TMA7: variants seen among roughly 807,000 people sequenced by gnomAD.
TMA7 encodes the protein translation machinery-associated protein 7.
TMA7 carries 5 observed loss-of-function variants against 12.5 expected under a neutral mutation model. That is an observed-to-expected ratio of 0.40 (90% confidence interval 0.21 to 0.84). TMA7 has a LOEUF of 0.84. Among genes scored for constraint, TMA7 ranks in the 40% least tolerant of loss-of-function variants. TMA7 has a pLI of 0.36. For missense variants in TMA7, 71 were observed against 75.4 expected (o/e 0.94, Z 0.22); for synonymous variants, 36 against 28.1 (o/e 1.28, Z -0.89).
chr3:48,440,323 C>T lies in TMA7; in HGVS notation c.16+11C>T, dbSNP rs912016135. On this transcript the variant is annotated intron_variant, in intron 1 of 3. Transcript: ENST00000438607. ...TGTCCGGCCGCGAAGGTAAGTGTTCCGGAACCGTGAGGACTGCGGGGACGG... is the reference window on the plus strand; with the variant it reads ...TGTCCGGCCGCGAAGGTAAGTGTTCTGGAACCGTGAGGACTGCGGGGACGG... 2.5e-6 allele frequency: 4 copies of T among 1,611,312 alleles called. No homozygotes were observed. The highest frequency in any genetic ancestry group is 1.7e-4 in the Middle Eastern group (1 of 6,058).
chr3:48,442,930 C>A (rs145596187), intron 3 of TMA7, among the ~76,000 whole-genome samples: 7 of 152,056 alleles, frequency 4.6e-5, no homozygotes, highest in South Asian at 2.1e-4. Context: ...CATACTTGAA[C>A]AACACCTAAC....
chr3:48,440,875 A>G, intron 3 of TMA7: 1 of 577,258 alleles, frequency 1.7e-6, no homozygotes, highest in Non-Finnish European at 3.1e-6. Flanking sequence ...GCAGAAACGG[A>G]AACAGTGAAA....
intron 3 of TMA7, among the ~76,000 whole-genome samples, chr3:48,443,354 C>G (rs576285980): frequency 6.6e-6 from 1 of 151,870 alleles, no homozygotes; most frequent in East Asian, 1.9e-4. Flanking sequence ...TCGAGACCAG[C>G]CTGACCAATA....
intron 3 of TMA7, 53 bp downstream of exon 3, chr3:48,440,681 TG>T (rs2039538788): frequency 6.6e-7 from 1 of 1,525,566 alleles, no homozygotes; most frequent in South Asian, 1.2e-5. Context: ...GAGCACCTAT[TG>T]GGATGAGGGC....
intron 3 of TMA7, among the ~76,000 whole-genome samples, chr3:48,442,653 T>C (rs946090560): frequency 6.6e-6 from 1 of 151,890 alleles, no homozygotes; most frequent in Non-Finnish European, 1.5e-5. Context: ...GGTTTCACCA[T>C]GTTGGCCAGG....
Position 48,443,955 on chromosome 3 carries a change from A to G in TMA7, c.*73A>G. On this transcript the variant is annotated 3_prime_UTR_variant, in exon 4 of 4. Transcript: ENST00000438607. ...TTTAAACCTCTCTATTCCCTGCCAT[A>G]ACATCTTTTGCCACGTATAGCTGGA... is the stretch of plus-strand genomic sequence containing the variant. 8.8e-7 allele frequency: 1 copy of G among 1,135,070 alleles called. No individual in the cohort carries two copies. The highest frequency in any genetic ancestry group is 2.4e-5 in the South Asian group (1 of 42,476). The allele number at this position is 1,135,070 out of a possible 1,614,324, so 70.3% of individuals were successfully genotyped here.
Position 48,440,538 on chromosome 3 carries a change from C to T in TMA7, c.73-3C>T. The T allele has an allele frequency of 6.2e-7, 1 of 1,610,860 alleles. No individual in the cohort carries two copies. Among genetic ancestry groups the T allele is most frequent in the Non-Finnish European group, 8.5e-7 (1 of 1,179,352 alleles). On this transcript the variant is annotated splice_region_variant and splice_polypyrimidine_tract_variant and intron_variant, in intron 2 of 3. Transcript: ENST00000438607. ...GAGTTGAACACGCTCTGCCTCTCCC[C>T]AGGAAGATAAGGCTTTCAAGCAGAA...
rs1297910804 is a variant in TMA7, at chr3:48,443,890, C to T, written c.*8C>T. ...AAATCTGGCAAAAAGTAAGCTGTTC[C>T]TTGTGCCTGAGGAGATGGTGACCCT... On this transcript the variant is annotated 3_prime_UTR_variant, in exon 4 of 4. Transcript: ENST00000438607. 3 of 1,546,848 alleles carry T rather than the reference C, an allele frequency of 1.9e-6. No homozygotes were observed. The highest frequency in any genetic ancestry group is 2.8e-5 in the African/African-American group (2 of 71,032).
Position 48,444,005 on chromosome 3 carries a change from G to A in TMA7, c.*123G>A. On this transcript the variant is annotated 3_prime_UTR_variant, in exon 4 of 4. Transcript: ENST00000438607. Reference sequence around the variant, plus strand: ...AATTAAGTGTTGTCTTGGAGCTGTTGTACATTTAAGAATAAACTTTTGTAA... The same window carrying A: ...AATTAAGTGTTGTCTTGGAGCTGTTATACATTTAAGAATAAACTTTTGTAA... The A allele has an allele frequency of 5.8e-6, 4 of 693,658 alleles. No homozygotes were observed. The highest frequency in any genetic ancestry group is 8.4e-6 in the Non-Finnish European group (4 of 474,732). The allele number at this position is 693,658 out of a possible 1,614,324, so 43.0% of individuals were successfully genotyped here. A position where few individuals can be genotyped will look rare whatever the true frequency, so the allele number is the denominator to read the frequency against.
At chr3:48,442,968 G>A (rs2039602062) in intron 3 of TMA7, among the ~76,000 whole-genome samples, 1 of 151,972 alleles carries the variant, frequency 6.6e-6, no homozygotes, top group Admixed American at 6.6e-5. Context: ...GGCTGGGCAT[G>A]GTGGCTCAAG....
intron 3 of TMA7, 100 bp from the exon 4 acceptor site, chr3:48,443,748 A>G: frequency 1.1e-6 from 1 of 898,028 alleles, no homozygotes; most frequent in Non-Finnish European, 1.6e-6. Context: ...GTGAATGCCC[A>G]ATACAAAAGC....
In TMA7 at chr3:48,440,550, G is replaced by T. The variant is rs751946046; in HGVS notation, c.82G>T (p.Ala28Ser). ...QAKEMDEEDK[A>S]FKQKQKEEQK... The stretch of plus-strand genomic sequence containing the variant: ...CTCTGCCTCTCCCCAGGAAGATAAG[G>T]CTTTCAAGCAGAAACAAAAAGAGGA... Residue 28 changes from alanine (A) to serine (S), a missense_variant, in exon 3 of 4, where the codon GCT becomes TCT. By Grantham distance (99) the Ala-to-Ser change is moderately conservative. Coordinates refer to ENST00000438607, the MANE Select transcript of TMA7 (RefSeq NM_015933.6). The T allele has an allele frequency of 6.2e-7, 1 of 1,611,728 alleles. No homozygotes were observed. Among genetic ancestry groups the T allele is most frequent in the Non-Finnish European group, 8.5e-7 (1 of 1,179,660 alleles).
rs745885023 is a variant in TMA7 at position 48,440,303 on chromosome 3, G to C, written c.7G>C (p.Gly3Arg). ...GGAAGCGGCGGCAGGCGCCATGTCC[G>C]GCCGCGAAGGTAAGTGTTCCGGAAC... MS[G>R]REGGKKKPLK... Residue 3 changes from glycine (G) to arginine (R), a missense_variant, in exon 1 of 4, where the codon GGC becomes CGC. Transcript: ENST00000438607. 10 of 1,607,148 alleles carry C rather than the reference G, an allele frequency of 6.2e-6. No homozygotes were observed. The highest frequency in any genetic ancestry group is 8.5e-6 in the Non-Finnish European group (10 of 1,176,776).
intron 3 of TMA7, 62 bp from the exon 4 acceptor site, chr3:48,443,786 C>A: frequency 7.1e-7 from 1 of 1,414,650 alleles, no homozygotes; most frequent in Non-Finnish European, 9.4e-7. Flanking sequence ...CACAGCAGGC[C>A]CGTGGGGCTT....
chr3:48,443,550 A>G (rs1175135113), intron 3 of TMA7, among the ~76,000 whole-genome samples: 1 of 151,446 alleles, frequency 6.6e-6, no homozygotes, highest in Non-Finnish European at 1.5e-5. Flanking sequence ...AAAAAAAAAA[A>G]GGACTTCTTT....
intron 3 of TMA7, among the ~76,000 whole-genome samples, chr3:48,442,428 G>C (rs989052648): frequency 7.0e-6 from 1 of 142,582 alleles, no homozygotes; most frequent in East Asian, 2.0e-4. Context: ...CTTCTTTCCT[G>C]TATTAGGCAT....
At position 48,440,525 on chromosome 3, in the gene TMA7, C is replaced by G. The variant is rs767582732; in HGVS notation, c.73-16C>G. The G allele has an allele frequency of 6.2e-7, 1 of 1,609,004 alleles. No individual in the cohort carries two copies. The highest frequency in any genetic ancestry group is 1.1e-5 in the South Asian group (1 of 90,576). ...GGGAGACAGGCCTGAGTTGAACACG[C>G]TCTGCCTCTCCCCAGGAAGATAAGG... is the stretch of plus-strand genomic sequence containing the variant. On this transcript the variant is annotated splice_polypyrimidine_tract_variant and intron_variant, in intron 2 of 3. Coordinates refer to ENST00000438607, the MANE Select transcript of TMA7 (RefSeq NM_015933.6).
chr3:48,440,259 T>C lies in TMA7; in HGVS notation c.-38T>C. The C allele has an allele frequency of 6.3e-7, 1 of 1,579,724 alleles. No individual in the cohort carries two copies. Among genetic ancestry groups the C allele is most frequent in the Non-Finnish European group, 8.6e-7 (1 of 1,163,582 alleles). The stretch of plus-strand genomic sequence containing the variant: ...ACAAAGGGTGGGGCAGACGCTCCGT[T>C]TCCGGTGGCAGGGTCTGGGGAAGCG... On this transcript the variant is annotated 5_prime_UTR_variant, in exon 1 of 4. Coordinates refer to ENST00000438607, the MANE Select transcript of TMA7 (RefSeq NM_015933.6).
rs35215722 is a variant in TMA7 at position 48,442,612 on chromosome 3, C to T, written c.161-1236C>T. On this transcript the variant is annotated intron_variant, in intron 3 of 3. Transcript: ENST00000438607. ...GATTACAGGCGCACACCACCATGCC[C>T]GGCTAATTTTTGTATTTTTAGTAGA... Among the ~76,000 whole-genome samples the T allele has an allele frequency of 9.0e-3, 1,354 of 151,262 alleles. 15 individuals carry two copies. Among genetic ancestry groups the T allele is most frequent in the African/African-American group, 0.031 (1,274 of 41,288 alleles).
Sources: allele counts gnomAD v4.1 joint callset (sites outside exome capture counted in the v4.1 genomes callset), GRCh38; gene constraint gnomAD v4.1.1; transcripts MANE v1.5; gene names NCBI Gene and HGNC (gene_info 2026-07-23, HGNC 2026-07-21).